The following SLC35A1 variants were observed in gnomAD, a reference collection of about 807,000 sequenced individuals.
The protein encoded by SLC35A1 is CMP-sialic acid transporter.
SLC35A1 carries 21 observed loss-of-function variants against 40.3 expected under a neutral mutation model. The observed-to-expected ratio is 0.52, with a 90% confidence interval of 0.37 to 0.75. SLC35A1 has a LOEUF of 0.75. Among genes scored for constraint, SLC35A1 ranks in the 30% least tolerant of loss-of-function variants. The probability of loss-of-function intolerance (pLI) is 0.00; values close to 1 mark genes in which losing one functional copy is unlikely to be tolerated. For missense variants in SLC35A1, 297 were observed against 382.1 expected, an observed-to-expected ratio of 0.78 and a Z score of 1.86; for synonymous variants, 146 against 147.3, an observed-to-expected ratio of 0.99 and a Z score of 0.06.
chr6:87,501,714 A>C (rs1011690921), intron 4 of SLC35A1, among the ~76,000 whole-genome samples: 2 of 152,198 alleles, frequency 1.3e-5, no homozygotes, highest in Non-Finnish European at 2.9e-5. Flanking sequence ...ACACTGGGCA[A>C]GGTTTTTCTG....
At chr6:87,508,673 A>G (rs749837667) in intron 6 of SLC35A1, 77 bp downstream of exon 6, 46 of 1,157,528 alleles carry the variant, frequency 4.0e-5, no homozygotes, top group East Asian at 9.6e-5. Context: ...TTAAGCTGTT[A>G]TAACATTTTG....
chr6:87,473,264 C>A (rs924241855), intron 1 of SLC35A1, among the ~76,000 whole-genome samples: 2 of 152,294 alleles, frequency 1.3e-5, no homozygotes, highest in African/African-American at 4.8e-5. Context: ...ACCGCACTGA[C>A]CTCCACTAGC....
intron 4 of SLC35A1, among the ~76,000 whole-genome samples, chr6:87,505,878 C>A (rs1199493392): frequency 6.6e-6 from 1 of 152,118 alleles, no homozygotes. Flanking sequence ...GACATTCAAA[C>A]CACAGCAGTG....
chr6:87,503,974 C>T (rs574449484), intron 4 of SLC35A1, among the ~76,000 whole-genome samples: 2 of 152,300 alleles, frequency 1.3e-5, no homozygotes, highest in South Asian at 4.1e-4. Context: ...GCACTAAATA[C>T]TAGCATTATC....
chr6:87,499,197 T>C (rs1769837526), intron 2 of SLC35A1: 3 of 800,954 alleles, frequency 3.7e-6, no homozygotes, highest in South Asian at 1.1e-4. Flanking sequence ...GGACTTTTGC[T>C]TTCTCTCAGA....
intron 2 of SLC35A1, among the ~76,000 whole-genome samples, chr6:87,482,996 C>T (rs1032883737): frequency 2.6e-5 from 4 of 152,128 alleles, no homozygotes; most frequent in African/African-American, 4.8e-5. Flanking sequence ...GGCTATGGGT[C>T]GTCAGTGATC....
chr6:87,512,068 C>CTAT lies in SLC35A1; in HGVS notation c.*544_*546dup, dbSNP rs749327450. 49 of 158,682 alleles carry CTAT rather than the reference C, an allele frequency of 3.1e-4. No homozygotes were observed. The highest frequency in any genetic ancestry group is 5.4e-4 in the Non-Finnish European group (39 of 71,714). The allele number at this position is 158,682 out of a possible 1,614,324, so 9.8% of individuals were successfully genotyped here. A position where few individuals can be genotyped will look rare whatever the true frequency, so the allele number is the denominator to read the frequency against. The stretch of plus-strand genomic sequence containing the variant: ...AACTGTGTAACTTCTCAAAATGAAT[C>CTAT]TATTTCATAACTCGGACAATTTCTG... On this transcript the variant is annotated 3_prime_UTR_variant, in exon 8 of 8. Transcript: ENST00000369552.
intron 1 of SLC35A1, among the ~76,000 whole-genome samples, chr6:87,477,027 C>CCCA (rs1248915056): frequency 6.6e-6 from 1 of 151,968 alleles, no homozygotes; most frequent in Non-Finnish European, 1.5e-5. Context: ...TCCAAAAAAA[C>CCCA]CCACCACCAC....
intron 5 of SLC35A1, among the ~76,000 whole-genome samples, chr6:87,508,036 T>C (rs538295729): frequency 6.6e-6 from 1 of 152,270 alleles, no homozygotes; most frequent in East Asian, 1.9e-4. Flanking sequence ...ATTACAGGGA[T>C]GTGATTAAGA....
chr6:87,492,545 ATTTT>A (rs59459204), intron 2 of SLC35A1, among the ~76,000 whole-genome samples: 5 of 115,034 alleles, frequency 4.3e-5, no homozygotes, highest in East Asian at 2.4e-4. Context: ...ATTTATCTTG[ATTTT>A]TTTTTTTTTT....
chr6:87,482,241 C>G lies in SLC35A1; in HGVS notation c.194+4702C>G, dbSNP rs1769264949. Reference sequence around the variant, plus strand: ...CATTCTTTTTATATAAATTCTCCCCCCCCTCCTTTTTTTTCCCCCAAGATG... The same window carrying G: ...CATTCTTTTTATATAAATTCTCCCCGCCCTCCTTTTTTTTCCCCCAAGATG... On this transcript the variant is annotated intron_variant, in intron 2 of 7. Coordinates refer to ENST00000369552, the MANE Select transcript of SLC35A1 (RefSeq NM_006416.5). Among the ~76,000 whole-genome samples the G allele has an allele frequency of 3.8e-5, 5 of 131,284 alleles. No homozygotes were observed. The South Asian group carries it at 1.4e-3, about 36-fold the overall frequency. 86.1% of individuals were successfully genotyped at this position (131,284 alleles called of 152,430 possible). A position where few individuals can be genotyped will look rare whatever the true frequency, so the allele number is the denominator to read the frequency against.
In SLC35A1 at chr6:87,489,644, C is replaced by T. The variant is rs570159862; in HGVS notation, c.195-10864C>T. ...GCAACCTCCGCCTCCAAGGTTCAAG[C>T]GATTCTCCTGCCTCAGTCTCCTGAC... is the stretch of plus-strand genomic sequence containing the variant. On this transcript the variant is annotated intron_variant, in intron 2 of 7. Coordinates refer to ENST00000369552, the MANE Select transcript of SLC35A1 (RefSeq NM_006416.5). Among the ~76,000 whole-genome samples the T allele has an allele frequency of 2.6e-3, 379 of 148,194 alleles. 2 individuals are homozygous for T. The highest frequency in any genetic ancestry group is 9.0e-3 in the African/African-American group (357 of 39,878).
At chr6:87,488,896 A>G (rs781218317) in intron 2 of SLC35A1, among the ~76,000 whole-genome samples, 5 of 152,244 alleles carry the variant, frequency 3.3e-5, no homozygotes, top group Admixed American at 6.5e-5. Flanking sequence ...TTGAGGTGGT[A>G]GAGAGGTTCT....
chr6:87,504,434 A>T (rs1397303596), intron 4 of SLC35A1, among the ~76,000 whole-genome samples: 1 of 152,186 alleles, frequency 6.6e-6, no homozygotes, highest in African/African-American at 2.4e-5. Flanking sequence ...AATTCAGTGA[A>T]GATGCCCTTA....
chr6:87,505,334 C>T (rs2127976299), intron 4 of SLC35A1, among the ~76,000 whole-genome samples: 1 of 152,234 alleles, frequency 6.6e-6, no homozygotes, highest in East Asian at 1.9e-4. Context: ...TCAGGAAAGA[C>T]TGATGAAAGC....
chr6:87,474,983 C>T (rs143962792), intron 1 of SLC35A1, among the ~76,000 whole-genome samples: 1 of 152,268 alleles, frequency 6.6e-6, no homozygotes, highest in East Asian at 1.9e-4. Flanking sequence ...GGAACCTGTA[C>T]AGTAGCTAAA....
intron 2 of SLC35A1, among the ~76,000 whole-genome samples, chr6:87,491,567 A>C (rs1293414719): frequency 6.6e-6 from 1 of 152,124 alleles, no homozygotes; most frequent in East Asian, 1.9e-4. Flanking sequence ...GTTTACAATA[A>C]TTTTTTCTCT....
At position 87,482,264 on chromosome 6, in the gene SLC35A1, A is replaced by G. The variant is rs536296483; in HGVS notation, c.194+4725A>G. Among the ~76,000 whole-genome samples, 390 of 115,620 alleles carry G rather than the reference A, an allele frequency of 3.4e-3. 3 individuals are homozygous for G. Among genetic ancestry groups the G allele is most frequent in the African/African-American group, 0.012 (370 of 29,944 alleles). 75.9% of individuals were successfully genotyped at this position (115,620 alleles called of 152,430 possible). A position where few individuals can be genotyped will look rare whatever the true frequency, so the allele number is the denominator to read the frequency against. ...CCCCCCTCCTTTTTTTTCCCCCAAG[A>G]TGATAACCATTCTTTTCCAAAGCAA... On this transcript the variant is annotated intron_variant, in intron 2 of 7. Coordinates refer to ENST00000369552, the MANE Select transcript of SLC35A1 (RefSeq NM_006416.5).
At chr6:87,477,691 T>C in intron 2 of SLC35A1, 152 bp downstream of exon 2, 2 of 679,288 alleles carry the variant, frequency 2.9e-6, no homozygotes, top group Non-Finnish European at 5.2e-6. Flanking sequence ...ATTTTTTAGT[T>C]GTCACAACTT....
Sources: gnomAD v4.1 joint callset for allele counts (sites outside exome capture counted in the v4.1 genomes callset) on GRCh38, gnomAD v4.1.1 for gene constraint, MANE v1.5 for transcripts, NCBI Gene and HGNC (gene_info 2026-07-23, HGNC 2026-07-21) for gene names.